The following IL18RAP variants were observed in gnomAD, a reference collection of about 807,000 sequenced individuals.
IL18RAP encodes interleukin 18 receptor accessory protein.
In IL18RAP, 37 loss-of-function variants were observed where a neutral mutation model predicts 58.1. The observed-to-expected ratio is 0.64, with a 90% confidence interval of 0.49 to 0.84. The LOEUF is 0.84. Ranked by LOEUF, IL18RAP falls within the 40% of genes least tolerant of loss-of-function variation. The pLI, the probability that IL18RAP is intolerant of heterozygous loss-of-function variation, is 0.00. For missense variants in IL18RAP, 667 were observed against 704.8 expected, an observed-to-expected ratio of 0.95 and a Z score of 0.61; for synonymous variants, 268 against 257.5, an observed-to-expected ratio of 1.04 and a Z score of -0.39.
rs1683811123 is a variant in IL18RAP at position 102,452,121 on chromosome 2, G to C, written c.1740G>C (p.Gln580His). ...TCAGAATTACCTCTAGGATTTTTCA[G>C]TGGAAAGGACTCAGTAGAACAGAAA... Reference protein sequence around the residue: ...NQLRITSRIFQWKGLSRTETT... With the variant: ...NQLRITSRIFHWKGLSRTETT... Residue 580 changes from glutamine (Q) to histidine (H), a missense_variant, in exon 10 of 10, where the codon CAG becomes CAC. Gln to His is a conservative substitution (Grantham distance 24). Transcript: ENST00000687160. 2 of 1,614,020 alleles carry C rather than the reference G, an allele frequency of 1.2e-6. No homozygotes were observed. Among genetic ancestry groups the C allele is most frequent in the African/African-American group, 2.7e-5 (2 of 74,916 alleles).
At chr2:102,436,256 C>A (rs140114749) in intron 3 of IL18RAP, among the ~76,000 whole-genome samples, 1 of 152,128 alleles carries the variant, frequency 6.6e-6, no homozygotes, top group Non-Finnish European at 1.5e-5. Flanking sequence ...CGTTCTCATG[C>A]GATTTATGAC....
intron 4 of IL18RAP, chr2:102,438,654 G>A (rs1004179676): frequency 6.6e-6 from 1 of 152,106 alleles, no homozygotes; most frequent in Non-Finnish European, 1.5e-5. Flanking sequence ...AACATCTGTT[G>A]CATCTATTTC....
chr2:102,447,248 G>A, intron 8 of IL18RAP, 41 bp downstream of exon 8: 1 of 1,597,372 alleles, frequency 6.3e-7, no homozygotes. Context: ...CTTTTCCTCT[G>A]GGAATTGACT....
At chr2:102,429,658 T>C in intron 3 of IL18RAP, among the ~76,000 whole-genome samples, 1 of 151,970 alleles carries the variant, frequency 6.6e-6, no homozygotes, top group Middle Eastern at 3.2e-3. Context: ...CTGTGTATCA[T>C]TAGATTGCTT....
At chr2:102,436,839 A>G (rs201298483) in intron 3 of IL18RAP, among the ~76,000 whole-genome samples, 2 of 134,036 alleles carry the variant, frequency 1.5e-5, no homozygotes, top group Non-Finnish European at 3.3e-5. Flanking sequence ...ATATGTATGT[A>G]TACACACACA....
chr2:102,439,445 T>G (rs563545615), intron 4 of IL18RAP: 2 of 152,618 alleles, frequency 1.3e-5, no homozygotes, highest in Non-Finnish European at 1.5e-5. Flanking sequence ...CAAGCCAGCC[T>G]TTGAGCTGGT....
At chr2:102,430,335 T>C (rs1482459312) in intron 3 of IL18RAP, among the ~76,000 whole-genome samples, 1 of 152,082 alleles carries the variant, frequency 6.6e-6, no homozygotes, top group Non-Finnish European at 1.5e-5. Context: ...TTTATAGTTT[T>C]TTTACTGAAA....
intron 7 of IL18RAP, among the ~76,000 whole-genome samples, chr2:102,445,735 T>G (rs1683374178): frequency 6.6e-6 from 1 of 152,138 alleles, no homozygotes; most frequent in Admixed American, 6.6e-5. Context: ...CATGATGGAT[T>G]CATGTTCTGA....
At chr2:102,441,208 G>T (rs11465700) in intron 4 of IL18RAP, 104 bp from the exon 5 acceptor site, 1 of 804,552 alleles carries the variant, frequency 1.2e-6, no homozygotes, top group Non-Finnish European at 2.1e-6. Context: ...TGAAGACAGA[G>T]CTCCAAGACA....
intron 8 of IL18RAP, among the ~76,000 whole-genome samples, chr2:102,448,368 A>G (rs1179363841): frequency 3.3e-5 from 5 of 152,336 alleles, no homozygotes; most frequent in East Asian, 1.9e-4. Context: ...AAGTGCTATT[A>G]CTATTAATGA....
intron 6 of IL18RAP, among the ~76,000 whole-genome samples, chr2:102,443,963 G>T (rs890572224): frequency 1.3e-5 from 2 of 152,086 alleles, no homozygotes; most frequent in Non-Finnish European, 2.9e-5. Flanking sequence ...CTAGATATTT[G>T]GAGCTATCCA....
chr2:102,450,064 C>T (rs1683668438), intron 8 of IL18RAP, among the ~76,000 whole-genome samples: 2 of 152,088 alleles, frequency 1.3e-5, no homozygotes, highest in South Asian at 4.1e-4. Flanking sequence ...TGTAACAATA[C>T]TTTGACAGGG....
intron 3 of IL18RAP, among the ~76,000 whole-genome samples, chr2:102,428,829 C>G (rs566324492): frequency 2.6e-5 from 4 of 151,960 alleles, no homozygotes; most frequent in Non-Finnish European, 2.9e-5. Context: ...TTGAGTATAG[C>G]TATGGGTTTG....
upstream of IL18RAP, among the ~76,000 whole-genome samples, chr2:102,420,442 T>C (rs772285375): frequency 2.6e-5 from 4 of 152,236 alleles, no homozygotes; most frequent in Admixed American, 6.5e-5. Flanking sequence ...CCCAGAGTGA[T>C]AGCTGCAGCC....
In IL18RAP at chr2:102,450,977, G is replaced by A; in HGVS notation, c.1340G>A (p.Gly447Glu). The change falls in exon 9 of 10, where the codon GGA becomes GAA. Residue 447 changes from glycine to glutamate, a missense_variant. By Grantham distance (98) the Gly-to-Glu change is moderately conservative. Coordinates refer to ENST00000687160, the MANE Select transcript of IL18RAP (RefSeq NM_001393487.1). The part of the protein sequence containing the change: ...LFPDVLENKY[G>E]YSLCLLERDV... The stretch of plus-strand genomic sequence containing the variant: ...CCTGATGTTTTAGAAAACAAATATG[G>A]ATATAGCCTGTGTTTGCTTGAAAGA... 1.9e-6 allele frequency: 3 copies of A among 1,609,006 alleles called. No homozygotes were observed. Among genetic ancestry groups the A allele is most frequent in the Non-Finnish European group, 2.5e-6 (3 of 1,178,092 alleles).
chr2:102,432,500 G>A (rs1369029431), intron 3 of IL18RAP: 1 of 154,462 alleles, frequency 6.5e-6, no homozygotes, highest in Non-Finnish European at 1.5e-5. Context: ...AGGACAACAG[G>A]CTAGGCCCTG....
At chr2:102,451,645 G>C in intron 9 of IL18RAP, 121 bp from the exon 10 acceptor site, 1 of 779,362 alleles carries the variant, frequency 1.3e-6, no homozygotes, top group Non-Finnish European at 2.1e-6. Context: ...AGCTGATACA[G>C]TGTAAGTGGT....
rs763522256 is a variant in IL18RAP, at chr2:102,447,124, C to A, written c.1127C>A (p.Ala376Glu). Residue 376 changes from alanine (A) to glutamate (E), a missense_variant, in exon 8 of 10, where the codon GCG becomes GAG. Physicochemically the swap from Ala to Glu is moderately radical, Grantham distance 107. Coordinates refer to ENST00000687160, the MANE Select transcript of IL18RAP (RefSeq NM_001393487.1). ...GTIGTLVAVL[A>E]ASALLYRHWI... is the part of the protein sequence containing the mutation. ...ATCGGGACCCTGGTGGCCGTGCTGG[C>A]GGCGAGTGCCCTCCTCTACAGGCAC... 6.2e-7 allele frequency: 1 copy of A among 1,614,062 alleles called. No homozygotes were observed. Among genetic ancestry groups the A allele is most frequent in the South Asian group, 1.1e-5 (1 of 91,072 alleles).
rs192900662 is a variant in IL18RAP, at chr2:102,449,957, C to T, written c.1211-891C>T. On this transcript the variant is annotated intron_variant, in intron 8 of 9. Coordinates refer to ENST00000687160, the MANE Select transcript of IL18RAP (RefSeq NM_001393487.1). The stretch of plus-strand genomic sequence containing the variant: ...GACTCTGGGAGCTTCCCTTTTGGTA[C>T]CTGGTACTTCCATCCACCGAGGCAT... Among the ~76,000 whole-genome samples, 195 of 152,142 alleles carry T rather than the reference C, an allele frequency of 1.3e-3. 1 individual carries two copies. The highest frequency in any genetic ancestry group is 4.5e-3 in the African/African-American group (185 of 41,500).
Sources: gnomAD v4.1 joint callset for allele counts (sites outside exome capture counted in the v4.1 genomes callset) on GRCh38, gnomAD v4.1.1 for gene constraint, MANE v1.5 for transcripts, NCBI Gene and HGNC (gene_info 2026-07-23, HGNC 2026-07-21) for gene names.